The following PPFIBP2 variants were observed in gnomAD, a reference collection of about 807,000 sequenced individuals.
The protein encoded by PPFIBP2 is liprin-beta-2.
PPFIBP2 carries 118 observed loss-of-function variants against 118.3 expected under a neutral mutation model. The observed-to-expected ratio is 1.00, with a 90% CI of 0.86 to 1.16. The LOEUF (loss-of-function observed/expected upper bound fraction) is 1.16, where lower values mean the gene tolerates loss of function less well. Ranked by LOEUF, PPFIBP2 falls within the 50% of genes most tolerant of loss-of-function variation. PPFIBP2 has a pLI of 0.00. For missense variants in PPFIBP2, 1,195 were observed against 1,073.1 expected (o/e 1.11, Z -1.59); for synonymous variants, 414 against 397.4 (o/e 1.04, Z -0.50).
chr11:7,639,749 G>A lies in PPFIBP2; in HGVS notation c.1254G>A (p.Ala418=), dbSNP rs781399219. The change falls in exon 15 of 24, where the codon GCG becomes GCA. Residue 418 remains alanine, a synonymous_variant. Transcript: ENST00000299492. ...TCCAATAGGACAGCCCTTTCTTGGC[G>A]GAGCACAAATATCCCACTTTACCTG... is the stretch of plus-strand genomic sequence containing the variant. ...VLEPKDSPFL[A]EHKYPTLPGK... 50 of 1,613,892 alleles carry A rather than the reference G, an allele frequency of 3.1e-5. No homozygotes were observed. The highest frequency in any genetic ancestry group is 8.3e-5 in the Admixed American group (5 of 59,982).
intron 7 of PPFIBP2, among the ~76,000 whole-genome samples, chr11:7,625,498 C>T (rs1322709676): frequency 6.6e-6 from 1 of 152,244 alleles, no homozygotes; most frequent in Non-Finnish European, 1.5e-5. Context: ...TCCTAATCCT[C>T]ACAGTGCAGG....
chr11:7,633,250 G>GT (rs1391945199), intron 12 of PPFIBP2, among the ~76,000 whole-genome samples: 1 of 152,228 alleles, frequency 6.6e-6, no homozygotes, highest in African/African-American at 2.4e-5. Context: ...ATCCCGTGAT[G>GT]TGTGTTCCTT....
intron 3 of PPFIBP2, among the ~76,000 whole-genome samples, chr11:7,574,537 T>C (rs144170069): frequency 2.0e-5 from 3 of 152,322 alleles, no homozygotes; most frequent in Non-Finnish European, 2.9e-5. Context: ...ATACAAATAG[T>C]AGTACTTTCT....
chr11:7,597,996 C>T (rs552597675), intron 5 of PPFIBP2: 99 of 234,790 alleles, frequency 4.2e-4, no homozygotes, highest in Non-Finnish European at 6.0e-4. Context: ...CCTGTGGGTG[C>T]CATCTGGAGT....
At chr11:7,664,373 G>T in the PPFIBP2 span, among the ~76,000 whole-genome samples, 1 of 152,150 alleles carries the variant, frequency 6.6e-6, no homozygotes, top group Non-Finnish European at 1.5e-5. Flanking sequence ...AGGGTTTCCT[G>T]GCCTCTGTGC....
At position 7,565,713 on chromosome 11, in the gene PPFIBP2, C is replaced by T; in HGVS notation, c.225C>T (p.Ser75=). 1.9e-6 allele frequency: 3 copies of T among 1,614,176 alleles called. No homozygotes were observed. The change falls in exon 3 of 24, where the codon AGC becomes AGT. Residue 75 remains serine, a synonymous_variant. Transcript: ENST00000299492. ...ELPQERAALL[S]QIPGPTAAYI... ...CTCAGGAGAGAGCAGCCCTCCTGAG[C>T]CAGATCCCTGGCCCAACAGCTGCCT...
At chr11:7,611,641 G>A (rs976127695) in intron 6 of PPFIBP2, among the ~76,000 whole-genome samples, 6 of 152,216 alleles carry the variant, frequency 3.9e-5, no homozygotes, top group African/African-American at 4.8e-5. Flanking sequence ...CCTTGGTCAC[G>A]TAATTTAACT....
chr11:7,608,563 C>T (rs1253955143), intron 5 of PPFIBP2, among the ~76,000 whole-genome samples: 1 of 152,196 alleles, frequency 6.6e-6, no homozygotes, highest in African/African-American at 2.4e-5. Flanking sequence ...TCGCTTGAAC[C>T]TGGGAGGTGG....
Position 7,577,492 on chromosome 11 carries a change from G to T in PPFIBP2, c.279+11725G>T, listed in dbSNP as rs1057129946. On this transcript the variant is annotated intron_variant, in intron 3 of 23. Transcript: ENST00000299492. ...TGAACACAGCTTGGAGTTCTTGAGG[G>T]GGGAGGGGGCAGAGGCAAGGAAGAG... 4 of 447,766 alleles carry T rather than the reference G, an allele frequency of 8.9e-6. No individual in the cohort carries two copies. The East Asian group carries it at 2.8e-4, about 31-fold the overall frequency. The allele number at this position is 447,766 out of a possible 1,614,324, so 27.7% of individuals were successfully genotyped here.
intron 17 of PPFIBP2, among the ~76,000 whole-genome samples, chr11:7,647,002 A>C (rs1853181710): frequency 6.6e-6 from 1 of 152,164 alleles, no homozygotes; most frequent in South Asian, 2.1e-4. Flanking sequence ...GCCTCGTAAA[A>C]TATTTTCAGG....
intron 1 of PPFIBP2, among the ~76,000 whole-genome samples, chr11:7,536,419 A>G (rs11041430): frequency 0.47 from 71,368 of 152,014 alleles, 17,696 homozygotes; most frequent in African/African-American, 0.62. Context: ...CATGTTCTAG[A>G]ATAGCAGAGG....
intron 1 of PPFIBP2, among the ~76,000 whole-genome samples, chr11:7,532,541 G>A (rs2134353730): frequency 6.6e-6 from 1 of 152,338 alleles, no homozygotes; most frequent in African/African-American, 2.4e-5. Context: ...CTCGTCCAAA[G>A]GCTCAGCTCC....
chr11:7,545,528 C>G (rs535516733), intron 1 of PPFIBP2, among the ~76,000 whole-genome samples: 2 of 152,294 alleles, frequency 1.3e-5, no homozygotes, highest in South Asian at 4.1e-4. Flanking sequence ...TATTGTTAAT[C>G]TCTTACTGTG....
At chr11:7,660,694 A>G (rs1333541097), downstream of PPFIBP2, among the ~76,000 whole-genome samples, 5 of 150,588 alleles carry the variant, frequency 3.3e-5, no homozygotes, top group African/African-American at 9.7e-5. Context: ...CTCTTTTTCT[A>G]TTGATTGGAA....
chr11:7,601,686 G>A lies in PPFIBP2; in HGVS notation c.486+4013G>A, dbSNP rs112660135. ...AAGAAGAGTTATTTCTCGGCCAGGC[G>A]CTGTGGCTCATGCCTGTAATCCCAG... On this transcript the variant is annotated intron_variant, in intron 5 of 23. Coordinates refer to ENST00000299492, the MANE Select transcript of PPFIBP2 (RefSeq NM_003621.5). 1.4e-3 allele frequency among the ~76,000 whole-genome samples: 215 copies of A among 152,330 alleles called. 1 individual carries two copies. Among genetic ancestry groups the A allele is most frequent in the African/African-American group, 4.6e-3 (192 of 41,570 alleles).
rs192690630 is a variant in PPFIBP2, at chr11:7,518,339, G to C, written c.-37+4218G>C. 4.0e-3 allele frequency among the ~76,000 whole-genome samples: 603 copies of C among 152,326 alleles called. 5 individuals carry two copies. The highest frequency in any genetic ancestry group is 0.014 in the African/African-American group (583 of 41,566). On this transcript the variant is annotated intron_variant, in intron 1 of 23. Coordinates refer to ENST00000299492, the MANE Select transcript of PPFIBP2 (RefSeq NM_003621.5). ...TTCTCATGGCTTCAGTTACATGAGA[G>C]AGAAAAAGGGCTGGGTTTTTGTCAG...
intron 9 of PPFIBP2, among the ~76,000 whole-genome samples, chr11:7,628,808 A>T (rs1850367611): frequency 6.6e-6 from 1 of 152,218 alleles, no homozygotes; most frequent in South Asian, 2.1e-4. Flanking sequence ...ACCTCTATAA[A>T]TAAAGAGTGC....
chr11:7,642,511 C>A, intron 17 of PPFIBP2, 85 bp downstream of exon 17: 1 of 1,456,794 alleles, frequency 6.9e-7, no homozygotes, highest in South Asian at 1.4e-5. Context: ...AATCTTTACT[C>A]CTGTGTTTTG....
intron 1 of PPFIBP2, among the ~76,000 whole-genome samples, chr11:7,522,464 C>G (rs1849843048): frequency 6.6e-6 from 1 of 152,074 alleles, no homozygotes; most frequent in Admixed American, 6.5e-5. Flanking sequence ...ATGGTGAAGC[C>G]CAGAGAAACC....
Sources: gnomAD v4.1 joint callset for allele counts (sites outside exome capture counted in the v4.1 genomes callset) on GRCh38, gnomAD v4.1.1 for gene constraint, MANE v1.5 for transcripts, NCBI Gene and HGNC (gene_info 2026-07-23, HGNC 2026-07-21) for gene names.